EGFLAM: variants seen among roughly 807,000 people sequenced by gnomAD.
EGFLAM encodes the protein pikachurin.
A neutral mutation model predicts 113.1 loss-of-function variants in EGFLAM; 79 were observed. The ratio of observed to expected loss-of-function variants is 0.70; its 90% CI spans 0.58 to 0.84. The LOEUF is 0.84. EGFLAM is among the 40% of genes least tolerant of loss of function. The pLI is 0.00. For missense variants in EGFLAM, 1,265 were observed against 1,291.6 expected, an observed-to-expected ratio of 0.98 and a Z score of 0.32; for synonymous variants, 504 against 487.6, an observed-to-expected ratio of 1.03 and a Z score of -0.44.
At chr5:38,451,563 A>C in intron 19 of EGFLAM, 105 bp downstream of exon 19, 3 of 1,479,480 alleles carry the variant, frequency 2.0e-6, no homozygotes, top group Non-Finnish European at 2.7e-6. Context: ...GTCTGCTGGA[A>C]TTGGCTGAAG....
chr5:38,422,888 G>A lies in EGFLAM; in HGVS notation c.1685-2079G>A, dbSNP rs145730019. Among the ~76,000 whole-genome samples the A allele has an allele frequency of 5.1e-4, 77 of 152,196 alleles. No homozygotes were observed. In the East Asian group the frequency reaches 0.011, roughly 22 times the overall value. On this transcript the variant is annotated intron_variant, in intron 12 of 21. Transcript: ENST00000322350. ...ACAGATGCAATATATTTTCCTTCTC[G>A]GTTCACAGAGCCCCTGCTGTGGCTT...
chr5:38,352,212 T>G lies in EGFLAM; in HGVS notation c.426T>G (p.Pro142=). 6.2e-7 allele frequency: 1 copy of G among 1,614,122 alleles called. No homozygotes were observed. Among genetic ancestry groups the G allele is most frequent in the Non-Finnish European group, 8.5e-7 (1 of 1,179,972 alleles). The change falls in exon 5 of 22, where the codon CCT becomes CCG. Residue 142 remains proline (P), a synonymous_variant. Transcript: ENST00000322350. The part of the protein sequence containing the change: ...TTLSQDSCLP[P]AAPQQPHVIV... Reference sequence around the variant, plus strand: ...CCCACCTAGATTCCTGCCTGCCTCCTGCAGCTCCCCAGCAGCCACATGTCA... The same window carrying G: ...CCCACCTAGATTCCTGCCTGCCTCCGGCAGCTCCCCAGCAGCCACATGTCA...
chr5:38,362,851 G>A (rs542101627), intron 5 of EGFLAM, among the ~76,000 whole-genome samples: 4 of 152,280 alleles, frequency 2.6e-5, no homozygotes, highest in African/African-American at 9.6e-5. Flanking sequence ...ATCCCGTAAA[G>A]CTTCAATTCC....
intron 18 of EGFLAM, among the ~76,000 whole-genome samples, chr5:38,450,912 C>T (rs555285854): frequency 8.5e-4 from 129 of 152,364 alleles, no homozygotes; most frequent in Middle Eastern, 3.4e-3. Flanking sequence ...CATCCACAGC[C>T]GTGGTCCTAG....
chr5:38,352,254 T>C lies in EGFLAM; in HGVS notation c.468T>C (p.Ser156=). 8 of 1,614,146 alleles carry C rather than the reference T, an allele frequency of 5.0e-6. No homozygotes were observed. Among genetic ancestry groups the C allele is most frequent in the Non-Finnish European group, 6.8e-6 (8 of 1,180,014 alleles). Residue 156 remains serine (S), a synonymous_variant, in exon 5 of 22, where the codon TCT becomes TCC. Coordinates refer to ENST00000322350, the MANE Select transcript of EGFLAM (RefSeq NM_152403.4). ...QQPHVIVVSD[S]EVALSWKPGA... is the part of the protein sequence containing the mutation. ...CACATGTCATTGTGGTTTCGGATTC[T>C]GAGGTGGCCCTGTCTTGGAAACCTG...
chr5:38,301,610 T>A (rs1260644755), intron 1 of EGFLAM, among the ~76,000 whole-genome samples: 1 of 152,116 alleles, frequency 6.6e-6, no homozygotes, highest in Non-Finnish European at 1.5e-5. Context: ...TAGGTTTAAG[T>A]GATGTATAGT....
chr5:38,277,702 G>A (rs1343365225), intron 1 of EGFLAM, among the ~76,000 whole-genome samples: 3 of 152,112 alleles, frequency 2.0e-5, no homozygotes, highest in African/African-American at 7.2e-5. Flanking sequence ...ATAAAAATCA[G>A]TAAAGTTGCA....
At chr5:38,452,510 G>A (rs1742954520) in intron 19 of EGFLAM, among the ~76,000 whole-genome samples, 1 of 152,286 alleles carries the variant, frequency 6.6e-6, no homozygotes, top group Non-Finnish European at 1.5e-5. Context: ...TCATAAATTA[G>A]GAAGGGGCAG....
Position 38,267,608 on chromosome 5 carries a change from A to G in EGFLAM, c.97+8757A>G, listed in dbSNP as rs150818122. On this transcript the variant is annotated intron_variant, in intron 1 of 21. Transcript: ENST00000322350. ...AAACAGTGACTCTACGAATTACTTT[A>G]ATCTCTACCCTGGGGGAGCTTAGTT... Among the ~76,000 whole-genome samples, 542 of 152,312 alleles carry G rather than the reference A, an allele frequency of 3.6e-3. 10 individuals are homozygous for G. The South Asian group carries it at 0.046, about 13-fold the overall frequency.
chr5:38,314,912 A>G (rs935300124), intron 1 of EGFLAM, among the ~76,000 whole-genome samples: 2 of 152,188 alleles, frequency 1.3e-5, no homozygotes, highest in African/African-American at 4.8e-5. Flanking sequence ...GACAGTATGG[A>G]GCGGAGCTGC....
intron 1 of EGFLAM, among the ~76,000 whole-genome samples, chr5:38,261,853 T>C (rs1757508325): frequency 6.6e-6 from 1 of 152,212 alleles, no homozygotes; most frequent in African/African-American, 2.4e-5. Flanking sequence ...CACTTGCTTC[T>C]CTTGTTGAAC....
intron 4 of EGFLAM, 141 bp downstream of exon 4, chr5:38,350,759 G>A: frequency 1.4e-6 from 1 of 734,980 alleles, no homozygotes; most frequent in Non-Finnish European, 2.2e-6. Context: ...AGTAAGCACA[G>A]CTCCCGCCCT....
chr5:38,457,235 T>TTA (rs1561106043), intron 19 of EGFLAM, among the ~76,000 whole-genome samples: 1 of 151,972 alleles, frequency 6.6e-6, no homozygotes, highest in East Asian at 1.9e-4. Context: ...CATTTTTTTT[T>TTA]AAAAAGTGAA....
At chr5:38,293,801 T>G (rs1324712127) in intron 1 of EGFLAM, among the ~76,000 whole-genome samples, 2 of 152,206 alleles carry the variant, frequency 1.3e-5, no homozygotes, top group African/African-American at 4.8e-5. Context: ...GGGAGCCATT[T>G]GTAGGAAAAA....
chr5:38,286,548 A>T (rs1290966514), intron 1 of EGFLAM, among the ~76,000 whole-genome samples: 1 of 152,210 alleles, frequency 6.6e-6, no homozygotes, highest in Non-Finnish European at 1.5e-5. Context: ...AAGGAAAAAA[A>T]TGCTTGACTT....
chr5:38,444,298 G>A (rs1485738617), intron 17 of EGFLAM, among the ~76,000 whole-genome samples: 1 of 152,170 alleles, frequency 6.6e-6, no homozygotes, highest in Non-Finnish European at 1.5e-5. Flanking sequence ...AAAAAATTAG[G>A]TATACTGGAA....
chr5:38,301,280 G>A (rs1758571918), intron 1 of EGFLAM, among the ~76,000 whole-genome samples: 1 of 152,192 alleles, frequency 6.6e-6, no homozygotes, highest in Non-Finnish European at 1.5e-5. Context: ...AGGAAACCTG[G>A]AACCCAAGTG....
At chr5:38,302,784 T>C (rs367566579) in intron 1 of EGFLAM, among the ~76,000 whole-genome samples, 19 of 151,110 alleles carry the variant, frequency 1.3e-4, no homozygotes, top group African/African-American at 3.7e-4. Context: ...GTAGACCATA[T>C]AGATTTTTCT....
intron 15 of EGFLAM, among the ~76,000 whole-genome samples, chr5:38,432,208 T>C (rs1742209750): frequency 6.6e-6 from 1 of 152,102 alleles, no homozygotes; most frequent in Non-Finnish European, 1.5e-5. Context: ...GCAAAGGACA[T>C]TGATAAATTT....
Sources: allele counts gnomAD v4.1 joint callset (sites outside exome capture counted in the v4.1 genomes callset), GRCh38; gene constraint gnomAD v4.1.1; transcripts MANE v1.5; gene names NCBI Gene and HGNC (gene_info 2026-07-23, HGNC 2026-07-21).